Variants in TTC3 observed in about 807,000 individuals in gnomAD.
TTC3 encodes E3 ubiquitin-protein ligase TTC3.
A neutral mutation model predicts 249.6 loss-of-function variants in TTC3; 180 were observed. The observed-to-expected ratio is 0.72, with a 90% CI of 0.64 to 0.82. The LOEUF (loss-of-function observed/expected upper bound fraction) is 0.82, where lower values mean the gene tolerates loss of function less well. TTC3 is among the 40% of genes least tolerant of loss of function. TTC3 has a pLI of 0.00. For missense variants in TTC3, 2,061 were observed against 2,398.4 expected (o/e 0.86, Z 2.94); for synonymous variants, 717 against 805.0 (o/e 0.89, Z 1.85).
At chr21:37,132,898 A>G (rs993614940) in intron 17 of TTC3, 132 bp downstream of exon 17, 2 of 602,184 alleles carry the variant, frequency 3.3e-6, no homozygotes, top group African/African-American at 3.9e-5. Flanking sequence ...GTAGTTTTGT[A>G]GAGATGGGGT....
rs10470177 is a variant in TTC3 at position 37,132,353 on chromosome 21, T to A, written c.1359-329T>A. Among the ~76,000 whole-genome samples, 221 of 150,418 alleles carry A rather than the reference T, an allele frequency of 1.5e-3. 2 individuals carry two copies. Among genetic ancestry groups the A allele is most frequent in the African/African-American group, 5.0e-3 (203 of 41,008 alleles). On this transcript the variant is annotated intron_variant, in intron 16 of 45. Transcript: ENST00000355666. ...TTTTTTTCTTTTTTTTTTTTTTAGATGGAGTCTTGCTCTGTCGCCCAGGCT... is the reference window on the plus strand; with the variant it reads ...TTTTTTTCTTTTTTTTTTTTTTAGAAGGAGTCTTGCTCTGTCGCCCAGGCT...
chr21:37,138,495 G>T, intron 18 of TTC3, 139 bp from the exon 19 acceptor site: 2 of 600,812 alleles, frequency 3.3e-6, no homozygotes, highest in Non-Finnish European at 3.0e-6. Context: ...CAATCATATT[G>T]ATTAGTGAGA....
intron 12 of TTC3, among the ~76,000 whole-genome samples, chr21:37,122,233 C>T (rs1235680421): frequency 6.6e-6 from 1 of 150,926 alleles, no homozygotes; most frequent in Non-Finnish European, 1.5e-5. Context: ...ATTTATTCCT[C>T]TGTAGAAAAA....
rs1388422050 is a variant in TTC3 at position 37,138,500 on chromosome 21, G to A, written c.1579-134G>A. 2.8e-5 allele frequency: 17 copies of A among 616,504 alleles called. No homozygotes were observed. In the Admixed American group the frequency reaches 4.5e-4, roughly 16 times the overall value. 38.2% of individuals were successfully genotyped at this position (616,504 alleles called of 1,614,324 possible). On this transcript the variant is annotated intron_variant, in intron 18 of 45. Transcript: ENST00000355666. ...TTGATTTGGCCAATCATATTGATTA[G>A]TGAGATTTTATGACAATCATTGATT...
chr21:37,150,501 G>A (rs376635327), intron 24 of TTC3, among the ~76,000 whole-genome samples: 1 of 152,138 alleles, frequency 6.6e-6, no homozygotes, highest in South Asian at 2.1e-4. Flanking sequence ...GGGGAAGAGC[G>A]TCTTGAGGGA....
chr21:37,148,775 G>T, intron 23 of TTC3, 128 bp downstream of exon 23: 1 of 621,318 alleles, frequency 1.6e-6, no homozygotes, highest in Non-Finnish European at 2.6e-6. Context: ...TAATAATAAA[G>T]TGGAAAATCA....
intron 11 of TTC3, among the ~76,000 whole-genome samples, chr21:37,120,521 G>A (rs997607475): frequency 6.6e-6 from 1 of 152,154 alleles, no homozygotes; most frequent in Admixed American, 6.5e-5. Context: ...TTTGAAGTCC[G>A]TAAATGCTTA....
chr21:37,172,664 T>C, exon 35 of TTC3: 1 of 1,613,990 alleles, frequency 6.2e-7, no homozygotes, highest in South Asian at 1.1e-5. Flanking sequence ...GTATGAAAAT[T>C]ATGAGCAGAT....
At chr21:37,125,539 A>C (rs2076981174) in intron 14 of TTC3, among the ~76,000 whole-genome samples, 1 of 152,140 alleles carries the variant, frequency 6.6e-6, no homozygotes, top group African/African-American at 2.4e-5. Context: ...TGAGAACGGG[A>C]GTTATCTCCT....
At chr21:37,109,636 C>T (rs1028098191) in intron 11 of TTC3, among the ~76,000 whole-genome samples, 76 of 151,436 alleles carry the variant, frequency 5.0e-4, no homozygotes, top group Non-Finnish European at 8.9e-4. Context: ...CCTCTGGGGG[C>T]AGGGCACAGA....
At chr21:37,119,806 C>G (rs2076441646) in intron 11 of TTC3, among the ~76,000 whole-genome samples, 1 of 152,172 alleles carries the variant, frequency 6.6e-6, no homozygotes, top group Non-Finnish European at 1.5e-5. Context: ...CTTATTACTT[C>G]ATTTTGGTCA....
chr21:37,165,298 T>G (rs538578479), intron 32 of TTC3, among the ~76,000 whole-genome samples: 1 of 152,316 alleles, frequency 6.6e-6, no homozygotes, highest in Non-Finnish European at 1.5e-5. Flanking sequence ...AAATAACTTT[T>G]TGATTTCCTT....
At chr21:37,153,270 T>C in exon 27 of TTC3, 1 of 1,611,002 alleles carries the variant, frequency 6.2e-7, no homozygotes, top group Non-Finnish European at 8.5e-7. Context: ...AAAAACTTAA[T>C]AGCTTTGGTA....
chr21:37,126,789 A>G (rs2077072154), intron 15 of TTC3, among the ~76,000 whole-genome samples: 2 of 151,920 alleles, frequency 1.3e-5, no homozygotes, highest in African/African-American at 4.8e-5. Flanking sequence ...ATAGATGGCC[A>G]TCTTTTTGCC....
At chr21:37,077,022 A>G (rs1002826550) in intron 1 of TTC3, among the ~76,000 whole-genome samples, 3 of 151,984 alleles carry the variant, frequency 2.0e-5, no homozygotes, top group Non-Finnish European at 4.4e-5. Context: ...AAATACCACT[A>G]TAGTGTTAGG....
chr21:37,138,928 T>G (rs1206265715), intron 19 of TTC3, among the ~76,000 whole-genome samples: 1 of 152,162 alleles, frequency 6.6e-6, no homozygotes, highest in East Asian at 1.9e-4. Flanking sequence ...ACTTTTTATT[T>G]GTGTAAAAAT....
At chr21:37,180,957 AAG>A (rs1299302651) in intron 35 of TTC3, among the ~76,000 whole-genome samples, 1 of 152,190 alleles carries the variant, frequency 6.6e-6, no homozygotes, top group African/African-American at 2.4e-5. Flanking sequence ...AATTGAGAAA[AAG>A]AAATTGTTTA....
At chr21:37,098,967 C>T (rs757951055) in intron 10 of TTC3, 9 of 152,048 alleles carry the variant, frequency 5.9e-5, no homozygotes, top group Non-Finnish European at 8.8e-5. Flanking sequence ...AAGCATCCAC[C>T]CTCCCCCAGT....
rs1389373337 is a variant in TTC3 at position 37,144,744 on chromosome 21, C to T, written c.1893+99C>T. The T allele has an allele frequency of 2.8e-6, 4 of 1,428,876 alleles. No individual in the cohort carries two copies. The East Asian group carries it at 9.7e-5, about 35-fold the overall frequency. 88.5% of individuals were successfully genotyped at this position (1,428,876 alleles called of 1,614,324 possible). On this transcript the variant is annotated intron_variant, in intron 21 of 45. Transcript: ENST00000355666. The stretch of plus-strand genomic sequence containing the variant: ...GCGGAGAGGTAGGAGCATTCCATCC[C>T]CACCTCCCTTACACGCATTTCCCCT...
Sources: allele counts gnomAD v4.1 joint callset (sites outside exome capture counted in the v4.1 genomes callset), GRCh38; gene constraint gnomAD v4.1.1; transcripts MANE v1.5; gene names NCBI Gene and HGNC (gene_info 2026-07-23, HGNC 2026-07-21).